Variants in AGAP1 observed in about 807,000 individuals in gnomAD.
AGAP1 encodes the protein arf-GAP with GTPase, ANK repeat and PH domain-containing protein 1.
A neutral mutation model predicts 105.3 loss-of-function variants in AGAP1; 29 were observed. The observed-to-expected ratio is 0.28, with a 90% CI of 0.21 to 0.38. AGAP1 has a LOEUF of 0.38. Among genes scored for constraint, AGAP1 ranks in the 10% least tolerant of loss-of-function variants. The probability of loss-of-function intolerance (pLI) is 1.00; values close to 1 mark genes in which losing one functional copy is unlikely to be tolerated. For synonymous variants in AGAP1, 509 were observed against 485.9 expected (o/e 1.05, Z -0.63); for missense variants, 998 against 1,165.1 (o/e 0.86, Z 2.09).
rs768275934 is a variant in AGAP1, at chr2:236,120,347, G to T, written c.2270G>T (p.Arg757Leu). 2.3e-5 allele frequency: 37 copies of T among 1,611,934 alleles called. No homozygotes were observed. Among genetic ancestry groups the T allele is most frequent in the Non-Finnish European group, 2.6e-5 (31 of 1,179,738 alleles). ...ATCCTGCTGCTGGCACACGGCTCCC[G>T]GGACGAGGTGAACGAGACCTGCGGG... Reference protein sequence around the residue: ...TAILLLAHGSRDEVNETCGEG... With the variant: ...TAILLLAHGSLDEVNETCGEG... The change falls in exon 17 of 18, where the codon CGG becomes CTG. Residue 757 changes from arginine to leucine, a missense_variant. Physicochemically the swap from Arg to Leu is moderately radical, Grantham distance 102 (BLOSUM62 -2). Around this residue, in one of 3 missense-constraint regions of AGAP1, gnomAD observed 235 missense variants for 270.7 expected, o/e 0.87. Transcript: ENST00000304032. This position sits in a 1 kb window ranked among gnomAD's most constrained non-coding sequence, Gnocchi z 6.0.
At chr2:235,998,214 C>T (rs531635405) in intron 13 of AGAP1, among the ~76,000 whole-genome samples, 1 of 152,292 alleles carries the variant, frequency 6.6e-6, no homozygotes, top group East Asian at 1.9e-4. Flanking sequence ...AACTGACTTA[C>T]CCTGATGCTG....
rs2049489711 is a variant in AGAP1 at position 235,872,417 on chromosome 2, A to C, written c.1051-10928A>C. 6.6e-6 allele frequency among the ~76,000 whole-genome samples: 1 copy of C among 152,174 alleles called. No individual in the cohort carries two copies. The highest frequency in any genetic ancestry group is 6.5e-5 in the Admixed American group (1 of 15,282). ...CAAAAGTGGCATCTGAAAGATGGAC[A>C]AAGTATGCATGGTGACATGCCACCA... On this transcript the variant is annotated intron_variant, in intron 9 of 17. Coordinates refer to ENST00000304032, the MANE Select transcript of AGAP1 (RefSeq NM_001037131.3). The surrounding 1 kb of genome is among the most constrained non-coding windows in gnomAD (Gnocchi z 4.5).
intron 13 of AGAP1, among the ~76,000 whole-genome samples, chr2:236,023,494 T>C (rs139438601): frequency 6.6e-6 from 1 of 152,176 alleles, no homozygotes; most frequent in African/African-American, 2.4e-5. Flanking sequence ...AAAAAGGGCT[T>C]GGCGGAAGGT....
rs2059972852 is a variant in AGAP1 at position 236,124,495 on chromosome 2, T to C, written c.*373T>C. ...AACAAGGAGAAGGGGCAACTTTCCT[T>C]AACTGGCAGTTGAGCACATAGTACA... On this transcript the variant is annotated 3_prime_UTR_variant, in exon 18 of 18. Coordinates refer to ENST00000304032, the MANE Select transcript of AGAP1 (RefSeq NM_001037131.3). The surrounding 1 kb of genome is among the most constrained non-coding windows in gnomAD (Gnocchi z 5.1). The C allele has an allele frequency of 3.5e-6, 1 of 287,246 alleles. No individual in the cohort carries two copies. Among genetic ancestry groups the C allele is most frequent in the Admixed American group, 4.7e-5 (1 of 21,372 alleles). 17.8% of individuals were successfully genotyped at this position (287,246 alleles called of 1,614,324 possible). A position where few individuals can be genotyped will look rare whatever the true frequency, so the allele number is the denominator to read the frequency against.
chr2:235,750,999 C>G lies in AGAP1; in HGVS notation c.673+511C>G, dbSNP rs1159844382. Among the ~76,000 whole-genome samples the G allele has an allele frequency of 6.6e-6, 1 of 152,082 alleles. No homozygotes were observed. Among genetic ancestry groups the G allele is most frequent in the Non-Finnish European group, 1.5e-5 (1 of 68,026 alleles). Reference sequence around the variant, plus strand: ...CTCACAGCAGAGGGTGAGGACCAGCCTTTTGGAATTGTTTTTAGGTTATTT... The same window carrying G: ...CTCACAGCAGAGGGTGAGGACCAGCGTTTTGGAATTGTTTTTAGGTTATTT... On this transcript the variant is annotated intron_variant, in intron 6 of 17. Transcript: ENST00000304032. The surrounding 1 kb of genome is among the most constrained non-coding windows in gnomAD (Gnocchi z 5.3).
At chr2:235,532,127 A>G (rs1216947621) in intron 1 of AGAP1, among the ~76,000 whole-genome samples, 2 of 152,260 alleles carry the variant, frequency 1.3e-5, no homozygotes, top group African/African-American at 2.4e-5. Flanking sequence ...ATGGAAAACT[A>G]TAAAGAAGAA....
rs967798178 is a variant in AGAP1, at chr2:235,989,850, C to T, written c.1645+21227C>T. Among the ~76,000 whole-genome samples, 1 of 152,138 alleles carries T rather than the reference C, an allele frequency of 6.6e-6. No homozygotes were observed. Among genetic ancestry groups the T allele is most frequent in the African/African-American group, 2.4e-5 (1 of 41,420 alleles). ...AGGGACAGCCTCGGAAGAGGAAATC[C>T]ATGCGTCTTCCTTTTGCCCACAGGA... On this transcript the variant is annotated intron_variant, in intron 13 of 17. Coordinates refer to ENST00000304032, the MANE Select transcript of AGAP1 (RefSeq NM_001037131.3). The surrounding 1 kb of genome is among the most constrained non-coding windows in gnomAD (Gnocchi z 4.4).
chr2:235,736,653 G>C lies in AGAP1; in HGVS notation c.311-4310G>C, dbSNP rs915797084. Among the ~76,000 whole-genome samples the C allele has an allele frequency of 6.6e-6, 1 of 152,110 alleles. No individual in the cohort carries two copies. The highest frequency in any genetic ancestry group is 2.4e-5 in the African/African-American group (1 of 41,428). Reference sequence around the variant, plus strand: ...GTAGACCGCTTGAGCCCAGGAGTTCGAGACCAGCCTGGGCAACACAATGAG... The same window carrying C: ...GTAGACCGCTTGAGCCCAGGAGTTCCAGACCAGCCTGGGCAACACAATGAG... On this transcript the variant is annotated intron_variant, in intron 3 of 17. Coordinates refer to ENST00000304032, the MANE Select transcript of AGAP1 (RefSeq NM_001037131.3). The surrounding 1 kb of genome is among the most constrained non-coding windows in gnomAD (Gnocchi z 5.5).
chr2:235,758,441 C>T (rs1291183678), intron 6 of AGAP1, among the ~76,000 whole-genome samples: 2 of 152,054 alleles, frequency 1.3e-5, no homozygotes, highest in Admixed American at 1.3e-4. Flanking sequence ...TGGTGTCAGG[C>T]GAGGCCATCA....
At chr2:235,911,356 C>T (rs928012801) in intron 11 of AGAP1, among the ~76,000 whole-genome samples, 14 of 152,148 alleles carry the variant, frequency 9.2e-5, no homozygotes, top group East Asian at 5.9e-4. Flanking sequence ...AGTGATGCTG[C>T]GGTCGGCTCC....
chr2:236,011,994 T>C (rs2123513), intron 13 of AGAP1, among the ~76,000 whole-genome samples: 99,417 of 151,960 alleles, frequency 0.65, 33,930 homozygotes, highest in African/African-American at 0.85. Flanking sequence ...TGTATTTTCT[T>C]GTTGAGAAGC....
intron 1 of AGAP1, among the ~76,000 whole-genome samples, chr2:235,575,756 G>C (rs1417072313): frequency 6.6e-6 from 1 of 152,172 alleles, no homozygotes; most frequent in Non-Finnish European, 1.5e-5. Flanking sequence ...GTTCTTTTCA[G>C]CTTTTTTCTT....
At chr2:235,796,634 G>A (rs1369712225) in intron 6 of AGAP1, among the ~76,000 whole-genome samples, 3 of 152,128 alleles carry the variant, frequency 2.0e-5, no homozygotes, top group Non-Finnish European at 4.4e-5. Context: ...ATAGGCTGTG[G>A]ACAAACCAGT....
At chr2:235,998,198 A>G (rs1005691031) in intron 13 of AGAP1, among the ~76,000 whole-genome samples, 17 of 152,354 alleles carry the variant, frequency 1.1e-4, no homozygotes, top group Admixed American at 9.8e-4. Context: ...TGGCCGAGGT[A>G]CAATTAACTG....
At chr2:235,576,658 G>A (rs529169422) in intron 1 of AGAP1, among the ~76,000 whole-genome samples, 6 of 152,252 alleles carry the variant, frequency 3.9e-5, no homozygotes, top group African/African-American at 4.8e-5. Context: ...AGTCCCGCAG[G>A]CAAGAAGGTG....
Position 235,752,118 on chromosome 2 carries a change from G to A in AGAP1, c.673+1630G>A, listed in dbSNP as rs1004412893. ...GCCCCTGTGAATGTTGAAGTAAAGC[G>A]TCGTAGATGAAGGGTCCCCAGGCCC... On this transcript the variant is annotated intron_variant, in intron 6 of 17. Coordinates refer to ENST00000304032, the MANE Select transcript of AGAP1 (RefSeq NM_001037131.3). The surrounding 1 kb of genome is among the most constrained non-coding windows in gnomAD (Gnocchi z 4.3). 2.6e-5 allele frequency among the ~76,000 whole-genome samples: 4 copies of A among 152,218 alleles called. No homozygotes were observed. Among genetic ancestry groups the A allele is most frequent in the East Asian group, 1.9e-4 (1 of 5,198 alleles).
Position 235,517,352 on chromosome 2 carries a change from C to T in AGAP1, c.163+22503C>T, listed in dbSNP as rs183359000. On this transcript the variant is annotated intron_variant, in intron 1 of 17. Transcript: ENST00000304032. The surrounding 1 kb of genome is among the most constrained non-coding windows in gnomAD (Gnocchi z 4.1). ...GATACTGCGCAGTCCGTACAGCATC[C>T]CTCCCTCCCTGGTGGTTTCTGAGGA... Among the ~76,000 whole-genome samples the T allele has an allele frequency of 6.6e-5, 10 of 152,266 alleles. No individual in the cohort carries two copies. Among genetic ancestry groups the T allele is most frequent in the African/African-American group, 2.2e-4 (9 of 41,546 alleles).
At chr2:235,699,069 T>TCCCCCCCCCCCC (rs5839607) in intron 1 of AGAP1, among the ~76,000 whole-genome samples, 1 of 140,392 alleles carries the variant, frequency 7.1e-6, no homozygotes. Flanking sequence ...GCATCAGACA[T>TCCCCCCCCCCCC]CCCCCCCCCC....
chr2:235,880,234 A>C (rs1325270293), intron 9 of AGAP1, among the ~76,000 whole-genome samples: 2 of 152,058 alleles, frequency 1.3e-5, no homozygotes, highest in African/African-American at 4.8e-5. Flanking sequence ...GGGGCAGGAC[A>C]ATTTTGAGGA....
Sources: gnomAD v4.1 joint callset for allele counts (sites outside exome capture counted in the v4.1 genomes callset) on GRCh38, gnomAD v4.1.1 for gene constraint, gnomAD v4.1.1 regional missense constraint, Gnocchi (gnomAD v3.1) non-coding constraint, MANE v1.5 for transcripts, NCBI Gene and HGNC (gene_info 2026-07-23, HGNC 2026-07-21) for gene names.